Variants in MYO7A observed in about 807,000 individuals in gnomAD.
MYO7A encodes myosin VIIA, also known as unconventional myosin-VIIa.
In MYO7A, 210 loss-of-function variants were observed where a neutral mutation model predicts 263.8. The ratio of observed to expected loss-of-function variants is 0.80; its 90% CI spans 0.71 to 0.89. The LOEUF (loss-of-function observed/expected upper bound fraction) is 0.89. Ranked by LOEUF, MYO7A falls within the 40% of genes least tolerant of loss-of-function variation. The pLI, the probability that MYO7A is intolerant of heterozygous loss-of-function variation, is 0.00. For synonymous variants in MYO7A, 1,239 were observed against 1,197.3 expected, an observed-to-expected ratio of 1.03 and a Z score of -0.72; for missense variants, 2,820 against 2,968.3, an observed-to-expected ratio of 0.95 and a Z score of 1.16.
chr11:77,159,048 T>TA (rs1181328563), intron 9 of MYO7A, among the ~76,000 whole-genome samples: 2 of 152,060 alleles, frequency 1.3e-5, no homozygotes, highest in African/African-American at 4.8e-5. Context: ...CAGGGAAGGG[T>TA]AAGCTGACAG....
rs895943133 is a variant in MYO7A, at chr11:77,203,953, T to C, written c.5327-123T>C. ...GGGCAGATCATGCCCATTTTGTGAG[T>C]GTGCAGCCTGAGGGCCCAGGGTCAC... On this transcript the variant is annotated intron_variant, in intron 38 of 48. Transcript: ENST00000409709. 2.3e-5 allele frequency: 25 copies of C among 1,090,386 alleles called. No homozygotes were observed. In the African/African-American group the frequency reaches 3.7e-4, roughly 16 times the overall value. 67.5% of individuals were successfully genotyped at this position (1,090,386 alleles called of 1,614,324 possible). A position where few individuals can be genotyped will look rare whatever the true frequency, so the allele number is the denominator to read the frequency against.
chr11:77,199,807 A>G lies in MYO7A; in HGVS notation c.4841A>G (p.Asn1614Ser). The G allele has an allele frequency of 3.8e-6, 6 of 1,589,622 alleles. No individual in the cohort carries two copies. The Middle Eastern group carries it at 1.0e-3, about 265-fold the overall frequency. Residue 1614 changes from asparagine to serine, a missense_variant, in exon 35 of 49, where the codon AAC (asparagine) becomes AGC (serine). Physicochemically the swap from Asn to Ser is conservative, Grantham distance 46. Transcript: ENST00000409709. Reference sequence around the variant, plus strand: ...AAGTATGTTGTGGCCCTGCAGGATAACCCCAACCCCGGTGAGTGGCTGCTG... The same window carrying G: ...AAGTATGTTGTGGCCCTGCAGGATAGCCCCAACCCCGGTGAGTGGCTGCTG... ...RSKYVVALQD[N>S]PNPAGEESGF...
At chr11:77,177,797 A>T (rs1954769907) in intron 19 of MYO7A, among the ~76,000 whole-genome samples, 154 bp downstream of exon 19, 1 of 152,162 alleles carries the variant, frequency 6.6e-6, no homozygotes, top group East Asian at 1.9e-4. Flanking sequence ...ACACATGATC[A>T]TGTAAACACA....
chr11:77,207,527 T>A (rs1411379434), intron 42 of MYO7A, 125 bp downstream of exon 42: 3 of 748,526 alleles, frequency 4.0e-6, no homozygotes, highest in South Asian at 3.2e-5. Context: ...TCTGGCCATC[T>A]TCTTCCATCC....
In MYO7A at chr11:77,202,286, C is replaced by G; in HGVS notation, c.5044-14C>G. The stretch of plus-strand genomic sequence containing the variant: ...TAGAGAGCTGACCTGAGCCCCCTGT[C>G]TCTTGGTCCCTAGGCCCTGGTCACC... On this transcript the variant is annotated splice_polypyrimidine_tract_variant and intron_variant, in intron 36 of 48. Transcript: ENST00000409709. The G allele has an allele frequency of 6.3e-7, 1 of 1,577,542 alleles. No homozygotes were observed. The highest frequency in any genetic ancestry group is 8.6e-7 in the Non-Finnish European group (1 of 1,160,118).
At chr11:77,161,766 G>T (rs987455748) in intron 12 of MYO7A, among the ~76,000 whole-genome samples, 12 of 152,214 alleles carry the variant, frequency 7.9e-5, no homozygotes, top group African/African-American at 2.9e-4. Context: ...TGGCCCACCA[G>T]CCAGCCTCTG....
chr11:77,185,469 TC>T (rs1955584986), intron 27 of MYO7A, among the ~76,000 whole-genome samples: 1 of 152,230 alleles, frequency 6.6e-6, no homozygotes, highest in East Asian at 1.9e-4. Flanking sequence ...CTTTCTTTGC[TC>T]CTCCATAAGA....
rs1466433349 is a variant in MYO7A, at chr11:77,215,191, CAA to C, written c.*496_*497del. The C allele has an allele frequency of 6.2e-6, 1 of 161,522 alleles. No individual in the cohort carries two copies. The highest frequency in any genetic ancestry group is 1.4e-5 in the Non-Finnish European group (1 of 73,958). 10.0% of individuals were successfully genotyped at this position (161,522 alleles called of 1,614,324 possible). A position where few individuals can be genotyped will look rare whatever the true frequency, so the allele number is the denominator to read the frequency against. ...GCAGTGTGAATGCTGGGCCCCTGCT[CAA>C]GTCTACCCTGATCACCTCAGGGCAT... On this transcript the variant is annotated 3_prime_UTR_variant, in exon 49 of 49. Coordinates refer to ENST00000409709, the MANE Select transcript of MYO7A (RefSeq NM_000260.4).
chr11:77,166,443 G>C (rs1243776746), intron 15 of MYO7A, among the ~76,000 whole-genome samples: 1 of 152,172 alleles, frequency 6.6e-6, no homozygotes, highest in Non-Finnish European at 1.5e-5. Flanking sequence ...TACTGTGGGG[G>C]TTCACCCCCT....
intron 22 of MYO7A, 30 bp from the exon 23 acceptor site, chr11:77,181,350 C>G: frequency 1.3e-6 from 2 of 1,533,304 alleles, no homozygotes; most frequent in Admixed American, 2.0e-5. Context: ...GGGCTGACCC[C>G]GTGTCTTCTG....
chr11:77,136,259 G>A (rs964444423), intron 2 of MYO7A, among the ~76,000 whole-genome samples: 12 of 152,126 alleles, frequency 7.9e-5, no homozygotes, highest in South Asian at 6.2e-4. Context: ...GAAATCAGCC[G>A]AGACTCATAC....
At chr11:77,149,545 G>C (rs904056526) in intron 4 of MYO7A, among the ~76,000 whole-genome samples, 2 of 152,154 alleles carry the variant, frequency 1.3e-5, no homozygotes, top group African/African-American at 2.4e-5. Flanking sequence ...GGGAGCCCCA[G>C]GTGTTGTCAC....
At position 77,162,914 on chromosome 11, in the gene MYO7A, T is replaced by A; in HGVS notation, c.1616T>A (p.Ile539Asn). ...NSQHKLNANY[I>N]PPKNNHETQF... ...CAGCACAAGCTCAACGCCAACTACATCCCCCCCAAGAACAACCATGAGACC... is the reference window on the plus strand; with the variant it reads ...CAGCACAAGCTCAACGCCAACTACAACCCCCCCAAGAACAACCATGAGACC... Residue 539 changes from isoleucine (I) to asparagine (N), a missense_variant, in exon 14 of 49, where the codon ATC (isoleucine) becomes AAC (asparagine). Physicochemically the swap from Ile to Asn is moderately radical, Grantham distance 149. Transcript: ENST00000409709. The A allele has an allele frequency of 4.3e-6, 7 of 1,612,488 alleles. No homozygotes were observed. The highest frequency in any genetic ancestry group is 5.9e-6 in the Non-Finnish European group (7 of 1,179,576).
At chr11:77,133,656 G>T (rs1385455055) in intron 2 of MYO7A, among the ~76,000 whole-genome samples, 1 of 148,926 alleles carries the variant, frequency 6.7e-6, no homozygotes, top group Non-Finnish European at 1.5e-5. Flanking sequence ...TCATGTGGTT[G>T]GTTTTTGTTT....
rs201314332 is a variant in MYO7A at position 77,206,141 on chromosome 11, C to T, written c.5681C>T (p.Ala1894Val). 21 of 1,613,528 alleles carry T rather than the reference C, an allele frequency of 1.3e-5. No individual in the cohort carries two copies. The African/African-American group carries it at 2.8e-4, about 22-fold the overall frequency. ...CCTCCGCACCTGGTGGAGGTGGAGG[C>T]CATCCAGCACAAGACCACCCAGATT... ...KYPPHLVEVE[A>V]IQHKTTQIFH... The change falls in exon 41 of 49, where the codon GCC becomes GTC. Residue 1894 changes from alanine to valine, a missense_variant. Transcript: ENST00000409709.
intron 8 of MYO7A, among the ~76,000 whole-genome samples, 185 bp from the exon 9 acceptor site, chr11:77,158,092 G>C (rs548687180): frequency 1.3e-5 from 2 of 152,240 alleles, no homozygotes; most frequent in East Asian, 3.9e-4. Context: ...GGAAGCCCAG[G>C]CTTTCTAGAC....
chr11:77,144,463 C>T (rs372591322), intron 3 of MYO7A, among the ~76,000 whole-genome samples: 260 of 152,286 alleles, frequency 1.7e-3, no homozygotes, highest in African/African-American at 5.3e-3. Context: ...TCTCCTCCAC[C>T]CAGGCCCTGA....
chr11:77,168,151 C>T (rs1953731412), intron 15 of MYO7A, among the ~76,000 whole-genome samples: 1 of 152,204 alleles, frequency 6.6e-6, no homozygotes, highest in Non-Finnish European at 1.5e-5. Context: ...ATCTTCCCCT[C>T]CTACCCGTTC....
chr11:77,133,367 C>T (rs1386342961), intron 2 of MYO7A, among the ~76,000 whole-genome samples: 1 of 152,178 alleles, frequency 6.6e-6, no homozygotes, highest in Non-Finnish European at 1.5e-5. Flanking sequence ...AGGGTAGGGA[C>T]TCTGTGTACT....
Sources: gnomAD v4.1 joint callset for allele counts (sites outside exome capture counted in the v4.1 genomes callset) on GRCh38, gnomAD v4.1.1 for gene constraint, MANE v1.5 for transcripts, NCBI Gene and HGNC (gene_info 2026-07-23, HGNC 2026-07-21) for gene names.